Variants in GINS3 observed in about 807,000 individuals in gnomAD.
GINS3 encodes the protein DNA replication complex GINS protein PSF3.
A neutral mutation model predicts 20.0 loss-of-function variants in GINS3; 18 were observed. That is an observed-to-expected ratio of 0.90 (90% CI 0.62 to 1.33). The LOEUF is 1.33. Among genes scored for constraint, GINS3 ranks in the 40% most tolerant of loss-of-function variants. The pLI is 0.00. For synonymous variants in GINS3, 109 were observed against 107.0 expected, an observed-to-expected ratio of 1.02 and a Z score of -0.12; for missense variants, 254 against 273.6, an observed-to-expected ratio of 0.93 and a Z score of 0.51.
chr16:58,399,616 A>T (rs544084019), intron 1 of GINS3, among the ~76,000 whole-genome samples: 1 of 152,156 alleles, frequency 6.6e-6, no homozygotes, highest in South Asian at 2.1e-4. Flanking sequence ...ACATTTAATT[A>T]TTGACATATT....
rs1965856677 is a variant in GINS3 at position 58,396,314 on chromosome 16, C to A, written c.186+3527C>A. 4.7e-5 allele frequency among the ~76,000 whole-genome samples: 6 copies of A among 126,512 alleles called. No individual in the cohort carries two copies. The South Asian group carries it at 1.6e-3, about 33-fold the overall frequency. 83.0% of individuals were successfully genotyped at this position (126,512 alleles called of 152,430 possible). On this transcript the variant is annotated intron_variant, in intron 1 of 2. Coordinates refer to ENST00000318129, the MANE Select transcript of GINS3 (RefSeq NM_022770.4). ...CGGGGCGGCTGGCCGGGCAGAGGGG[C>A]TCCTCACTTACCAGTAGGGGCGGCC...
chr16:58,395,827 G>A (rs931538459), intron 1 of GINS3, among the ~76,000 whole-genome samples: 6 of 152,040 alleles, frequency 3.9e-5, no homozygotes, highest in East Asian at 1.9e-4. Context: ...ATCCTGGCCC[G>A]TTCTCAATGA....
intron 1 of GINS3, among the ~76,000 whole-genome samples, chr16:58,396,069 C>A (rs571462972): frequency 1.0e-4 from 14 of 140,008 alleles, no homozygotes; most frequent in East Asian, 2.3e-4. Context: ...CCGGACGGGG[C>A]GGCTGGCCGG....
rs1192271918 is a variant in GINS3 at position 58,403,301 on chromosome 16, G to A, written c.390G>A (p.Glu130=). 3 of 1,614,066 alleles carry A rather than the reference G, an allele frequency of 1.9e-6. No homozygotes were observed. The highest frequency in any genetic ancestry group is 2.2e-5 in the East Asian group (1 of 44,880). Residue 130 remains glutamate, a synonymous_variant, in exon 2 of 3, where the codon GAG becomes GAA. Coordinates refer to ENST00000318129, the MANE Select transcript of GINS3 (RefSeq NM_022770.4). The stretch of plus-strand genomic sequence containing the variant: ...AGCTCCTGCATTTTGACAGTCCCGA[G>A]AATGCAGACATTTCCCAGTCTCTGC... ...GSQLLHFDSP[E]NADISQSLLQ...
intron 1 of GINS3, among the ~76,000 whole-genome samples, chr16:58,395,783 T>TC (rs1965846264): frequency 1.3e-5 from 2 of 152,100 alleles, no homozygotes; most frequent in South Asian, 2.1e-4. Flanking sequence ...TCCCCACCTT[T>TC]CCCCCCTTTC....
rs756949748 is a variant in GINS3 at position 58,403,176 on chromosome 16, C to G, written c.265C>G (p.Pro89Ala). 2 of 1,613,994 alleles carry G rather than the reference C, an allele frequency of 1.2e-6. No homozygotes were observed. Among genetic ancestry groups the G allele is most frequent in the Non-Finnish European group, 1.7e-6 (2 of 1,179,988 alleles). Residue 89 changes from proline (P) to alanine (A), a missense_variant, in exon 2 of 3, where the codon CCC becomes GCC. By Grantham distance (27) the Pro-to-Ala change is conservative. Transcript: ENST00000318129. ...NKRRILSVEL[P>A]KIYQEGWRTV... ...GCGACGGATCCTTTCTGTGGAACTC[C>G]CCAAGATCTACCAAGAGGGTTGGAG... is the stretch of plus-strand genomic sequence containing the variant.
At chr16:58,400,696 A>C (rs1965942372) in intron 1 of GINS3, among the ~76,000 whole-genome samples, 1 of 151,806 alleles carries the variant, frequency 6.6e-6, no homozygotes, top group South Asian at 2.1e-4. Flanking sequence ...CTTTTAAAGG[A>C]TATTTTCACT....
intron 1 of GINS3, among the ~76,000 whole-genome samples, chr16:58,393,935 A>G (rs1228826964): frequency 4.0e-5 from 6 of 151,844 alleles, no homozygotes; most frequent in Non-Finnish European, 7.4e-5. Flanking sequence ...CACAGGGCTC[A>G]TGTACCTTTT....
At chr16:58,400,215 A>G (rs573276715) in intron 1 of GINS3, among the ~76,000 whole-genome samples, 3 of 152,382 alleles carry the variant, frequency 2.0e-5, no homozygotes, top group Non-Finnish European at 1.5e-5. Flanking sequence ...AAAAGGATAT[A>G]AAGCAAAATT....
In GINS3 at chr16:58,392,626, G is replaced by C. The variant is rs1965794202; in HGVS notation, c.25G>C (p.Glu9Gln). 2.0e-5 allele frequency: 33 copies of C among 1,614,230 alleles called. No homozygotes were observed. The highest frequency in any genetic ancestry group is 2.5e-5 in the Non-Finnish European group (30 of 1,180,032). The change falls in exon 1 of 3, where the codon GAG (glutamate) becomes CAG (glutamine). Residue 9 changes from glutamate (E) to glutamine (Q), a missense_variant. Transcript: ENST00000318129. Reference protein sequence around the residue: MSEAYFRVESGALGPEENF... With the variant: MSEAYFRVQSGALGPEENF... ...CATGTCAGAGGCTTATTTCCGAGTGGAGTCGGGTGCGCTGGGGCCTGAGGA... is the reference window on the plus strand; with the variant it reads ...CATGTCAGAGGCTTATTTCCGAGTGCAGTCGGGTGCGCTGGGGCCTGAGGA...
Position 58,405,249 on chromosome 16 carries a change from G to A in GINS3, c.*520G>A, listed in dbSNP as rs530160011. The stretch of plus-strand genomic sequence containing the variant: ...ATCTCCTGCTGCCTGCCTGCAGGGA[G>A]TTACCCCAGTTTCCAAAAACAGTCG... On this transcript the variant is annotated 3_prime_UTR_variant, in exon 3 of 3. Coordinates refer to ENST00000318129, the MANE Select transcript of GINS3 (RefSeq NM_022770.4). 1.3e-5 allele frequency: 2 copies of A among 153,854 alleles called. No homozygotes were observed. Among genetic ancestry groups the A allele is most frequent in the African/African-American group, 4.8e-5 (2 of 41,584 alleles). The allele number at this position is 153,854 out of a possible 1,614,324, so 9.5% of individuals were successfully genotyped here.
In GINS3 at chr16:58,404,504, T is replaced by G; in HGVS notation, c.426T>G (p.Phe142Leu). The change falls in exon 3 of 3, where the codon TTT becomes TTG. Residue 142 changes from phenylalanine (F) to leucine (L), a missense_variant. Phe to Leu is a conservative substitution (Grantham distance 22). Transcript: ENST00000318129. ...CTTACTCCCTTGTTTCCCAGACTTT[T>G]ATCGGACGTTTTCGCCGCATCATGG... ...ADISQSLLQT[F>L]IGRFRRIMDS... is the part of the protein sequence containing the mutation. The G allele has an allele frequency of 1.2e-6, 2 of 1,613,644 alleles. No homozygotes were observed. Among genetic ancestry groups the G allele is most frequent in the Non-Finnish European group, 1.7e-6 (2 of 1,179,522 alleles).
rs1212730968 is a variant in GINS3 at position 58,396,789 on chromosome 16, A to G, written c.186+4002A>G. On this transcript the variant is annotated intron_variant, in intron 1 of 2. Transcript: ENST00000318129. Reference sequence around the variant, plus strand: ...TGACCCCCCCACCTCCTTCCCGGACAGGGCGGCTGGCCGGGCAGAGGGGCT... The same window carrying G: ...TGACCCCCCCACCTCCTTCCCGGACGGGGCGGCTGGCCGGGCAGAGGGGCT... 3.1e-3 allele frequency among the ~76,000 whole-genome samples: 322 copies of G among 102,424 alleles called. 2 individuals are homozygous for G. The highest frequency in any genetic ancestry group is 0.011 in the South Asian group (30 of 2,640). The allele number at this position is 102,424 out of a possible 152,430, so 67.2% of individuals were successfully genotyped here. A position where few individuals can be genotyped will look rare whatever the true frequency, so the allele number is the denominator to read the frequency against.
chr16:58,400,715 G>A (rs901344607), intron 1 of GINS3, among the ~76,000 whole-genome samples: 4 of 151,342 alleles, frequency 2.6e-5, no homozygotes, highest in Non-Finnish European at 5.9e-5. Context: ...CTGGGTATAA[G>A]ATTTTACACT....
chr16:58,400,789 A>G (rs1167210185), intron 1 of GINS3, among the ~76,000 whole-genome samples: 1 of 149,104 alleles, frequency 6.7e-6, no homozygotes, highest in Admixed American at 6.7e-5. Flanking sequence ...TGGCTTCCAC[A>G]GTTTCTGTTA....
intron 1 of GINS3, chr16:58,395,332 TATATA>T: frequency 5.1e-6 from 1 of 196,748 alleles, no homozygotes; most frequent in Non-Finnish European, 9.5e-6. Context: ...TATATATATA[TATATA>T]TTTTTTTTTT....
chr16:58,399,651 A>G (rs928404433), intron 1 of GINS3, among the ~76,000 whole-genome samples: 1 of 151,008 alleles, frequency 6.6e-6, no homozygotes, highest in Non-Finnish European at 1.5e-5. Flanking sequence ...CCTTCTTACT[A>G]TTTTCTTATG....
Position 58,404,555 on chromosome 16 carries a change from A to G in GINS3, c.477A>G (p.Glu159=), listed in dbSNP as rs1212559581. Residue 159 remains glutamate (E), a synonymous_variant, in exon 3 of 3, where the codon GAA becomes GAG. Transcript: ENST00000318129. ...IMDSSQNAYN[E]DTSALVARLD... ...ACTCCTCACAGAATGCTTACAACGAAGACACTTCAGCCCTGGTAGCCAGGC... is the reference window on the plus strand; with the variant it reads ...ACTCCTCACAGAATGCTTACAACGAGGACACTTCAGCCCTGGTAGCCAGGC... 1.2e-6 allele frequency: 2 copies of G among 1,614,192 alleles called. No homozygotes were observed. Among genetic ancestry groups the G allele is most frequent in the Admixed American group, 1.7e-5 (1 of 60,020 alleles).
chr16:58,395,598 T>C (rs1965842456), intron 1 of GINS3, among the ~76,000 whole-genome samples: 1 of 152,156 alleles, frequency 6.6e-6, no homozygotes. Flanking sequence ...CTTAATCCAT[T>C]CAACCCCTGA....
Sources: gnomAD v4.1 joint callset for allele counts (sites outside exome capture counted in the v4.1 genomes callset) on GRCh38, gnomAD v4.1.1 for gene constraint, MANE v1.5 for transcripts, NCBI Gene and HGNC (gene_info 2026-07-23, HGNC 2026-07-21) for gene names.